TRDN: variants seen among roughly 807,000 people sequenced by gnomAD.
TRDN encodes the protein triadin.
A neutral mutation model predicts 149.7 loss-of-function variants in TRDN; 161 were observed. The ratio of observed to expected loss-of-function variants is 1.08; its 90% CI spans 0.95 to 1.23. The LOEUF (loss-of-function observed/expected upper bound fraction) is 1.23, where lower values mean the gene tolerates loss of function less well. Among genes scored for constraint, TRDN ranks in the 50% most tolerant of loss-of-function variants. The probability of loss-of-function intolerance (pLI) is 0.00; values close to 1 mark genes in which losing one functional copy is unlikely to be tolerated. For missense variants in TRDN, 896 were observed against 823.5 expected (o/e 1.09, Z -1.08); for synonymous variants, 294 against 250.5 (o/e 1.17, Z -1.64).
intron 12 of TRDN, chr6:123,437,381 ATTTTTTTTTTTTTTTT>A (rs565538741): frequency 2.1e-5 from 4 of 186,466 alleles, no homozygotes. Flanking sequence ...TGAGATACAG[ATTTTTTTTTTTTTTTT>A]TTTTTTTTTT....
At chr6:123,584,187 G>A (rs544598176) in intron 1 of TRDN, among the ~76,000 whole-genome samples, 105 of 152,120 alleles carry the variant, frequency 6.9e-4, no homozygotes, top group African/African-American at 1.7e-3. Flanking sequence ...ATTGAAGTCC[G>A]GGCCAGGAAC....
chr6:123,513,538 T>A (rs1779273307), intron 6 of TRDN, among the ~76,000 whole-genome samples: 1 of 152,058 alleles, frequency 6.6e-6, no homozygotes, highest in Admixed American at 6.6e-5. Flanking sequence ...CAGAGCCTAG[T>A]GCTAATAATT....
chr6:123,409,357 G>A (rs984164940), intron 12 of TRDN, among the ~76,000 whole-genome samples: 1 of 152,194 alleles, frequency 6.6e-6, no homozygotes, highest in Non-Finnish European at 1.5e-5. Context: ...ATATGGATTA[G>A]TGAAAAGAAC....
chr6:123,226,464 A>T (rs1264959623), intron 38 of TRDN, among the ~76,000 whole-genome samples: 1 of 151,864 alleles, frequency 6.6e-6, no homozygotes, highest in Non-Finnish European at 1.5e-5. Flanking sequence ...ATTTATTACC[A>T]CTAGAAAAAT....
intron 21 of TRDN, among the ~76,000 whole-genome samples, chr6:123,340,755 G>T (rs898795892): frequency 6.6e-6 from 1 of 151,826 alleles, no homozygotes; most frequent in African/African-American, 2.4e-5. Context: ...AAGAATAATT[G>T]TAAAGAACCA....
chr6:123,271,308 TA>T (rs1777198839), intron 29 of TRDN, 122 bp from the exon 30 acceptor site: 1 of 564,044 alleles, frequency 1.8e-6, no homozygotes. Flanking sequence ...GTTGCCTCAA[TA>T]AAACAGCAAA....
At chr6:123,252,225 A>G (rs1304087071) in intron 38 of TRDN, among the ~76,000 whole-genome samples, 187 bp downstream of exon 38, 1 of 152,048 alleles carries the variant, frequency 6.6e-6, no homozygotes, top group African/African-American at 2.4e-5. Context: ...TTGTAATTTC[A>G]AATAACATAG....
chr6:123,565,754 C>A (rs2114517013), intron 2 of TRDN, among the ~76,000 whole-genome samples: 1 of 152,372 alleles, frequency 6.6e-6, no homozygotes, highest in African/African-American at 2.4e-5. Context: ...CCAGCGCACA[C>A]TGGGCTGGCT....
chr6:123,362,643 C>T (rs1035842071), intron 20 of TRDN, among the ~76,000 whole-genome samples: 1 of 152,082 alleles, frequency 6.6e-6, no homozygotes, highest in African/African-American at 2.4e-5. Context: ...GTCTTTTCCC[C>T]AGGTAAGATT....
chr6:123,579,465 C>G (rs1583277257), intron 1 of TRDN, among the ~76,000 whole-genome samples: 1 of 152,226 alleles, frequency 6.6e-6, no homozygotes, highest in Admixed American at 6.5e-5. Context: ...ATATGTTGAA[C>G]CAACCTGGCA....
At position 123,391,987 on chromosome 6, in the gene TRDN, G is replaced by A. The variant is rs922765550; in HGVS notation, c.1105+1637C>T. Among the ~76,000 whole-genome samples the A allele has an allele frequency of 7.9e-5, 12 of 152,038 alleles. No individual in the cohort carries two copies. In the East Asian group the frequency reaches 2.3e-3, roughly 29 times the overall value. Reference sequence around the variant, plus strand: ...ATCTATGGAGGATTTGCAAAGACGCGAATGATATGCAGTTCTGCTTTGATG... The same window carrying A: ...ATCTATGGAGGATTTGCAAAGACGCAAATGATATGCAGTTCTGCTTTGATG... On this transcript the variant is annotated intron_variant, in intron 13 of 40. Coordinates refer to ENST00000334268, the MANE Select transcript of TRDN (RefSeq NM_006073.4).
chr6:123,631,785 C>T (rs988385212), intron 1 of TRDN, among the ~76,000 whole-genome samples: 3 of 151,756 alleles, frequency 2.0e-5, no homozygotes, highest in Non-Finnish European at 2.9e-5. Context: ...ACTTAATGTA[C>T]CCATTATCAG....
At chr6:123,534,390 G>GAT (rs1780414743) in intron 4 of TRDN, among the ~76,000 whole-genome samples, 1 of 152,040 alleles carries the variant, frequency 6.6e-6, no homozygotes, top group East Asian at 1.9e-4. Flanking sequence ...GTTCTCTTTG[G>GAT]GGACTGGATT....
chr6:123,218,773 A>C (rs1369248415), intron 40 of TRDN, 33 bp from the exon 41 acceptor site: 4 of 1,546,462 alleles, frequency 2.6e-6, no homozygotes, highest in Non-Finnish European at 3.5e-6. Flanking sequence ...TTGTTAAAAC[A>C]TGCAGAACAT....
intron 12 of TRDN, among the ~76,000 whole-genome samples, chr6:123,430,535 T>C (rs1649709473): frequency 6.6e-6 from 1 of 151,998 alleles, no homozygotes; most frequent in Admixed American, 6.6e-5. Flanking sequence ...TAAGCCGAGA[T>C]CGCGCCACTG....
At chr6:123,410,489 A>G (rs1562299682) in intron 12 of TRDN, among the ~76,000 whole-genome samples, 1 of 152,174 alleles carries the variant, frequency 6.6e-6, no homozygotes, top group Non-Finnish European at 1.5e-5. Context: ...CATTTCTATA[A>G]CATTTATTGT....
At chr6:123,466,929 G>A (rs1180425215) in intron 9 of TRDN, among the ~76,000 whole-genome samples, 2 of 151,746 alleles carry the variant, frequency 1.3e-5, no homozygotes, top group African/African-American at 4.8e-5. Flanking sequence ...TTATAGTCTT[G>A]AGTTATTGAG....
intron 2 of TRDN, among the ~76,000 whole-genome samples, chr6:123,567,636 G>A (rs187174102): frequency 2.6e-5 from 4 of 152,068 alleles, no homozygotes; most frequent in Admixed American, 2.6e-4. Flanking sequence ...AGAGAGAGTG[G>A]GGGGCGGGGG....
At chr6:123,381,297 T>C in intron 16 of TRDN, 73 bp downstream of exon 16, 1 of 1,402,186 alleles carries the variant, frequency 7.1e-7, no homozygotes, top group East Asian at 2.5e-5. Context: ...AAATTGCAGG[T>C]CTAAATACAG....
Sources: allele counts gnomAD v4.1 joint callset (sites outside exome capture counted in the v4.1 genomes callset), GRCh38; gene constraint gnomAD v4.1.1; transcripts MANE v1.5; gene names NCBI Gene and HGNC (gene_info 2026-07-23, HGNC 2026-07-21).